The following GRIP1 variants were observed in gnomAD, a reference collection of about 807,000 sequenced individuals.
GRIP1 encodes glutamate receptor-interacting protein 1.
Under a neutral mutation model 129.9 loss-of-function variants are expected in GRIP1, and 45 were observed. The ratio of observed to expected loss-of-function variants is 0.35; its 90% CI spans 0.27 to 0.44. The LOEUF (loss-of-function observed/expected upper bound fraction) is 0.44. GRIP1 is among the 20% of genes least tolerant of loss of function. The pLI is 1.00. For missense variants in GRIP1, 1,196 were observed against 1,396.8 expected (o/e 0.86, Z 2.29); for synonymous variants, 530 against 520.8 (o/e 1.02, Z -0.24).
chr12:66,379,482 A>T, intron 19 of GRIP1, 46 bp from the exon 20 acceptor site: 1 of 1,583,938 alleles, frequency 6.3e-7, no homozygotes, highest in Non-Finnish European at 8.7e-7. Context: ...GGATTACTTA[A>T]TCCATTGAGA....
intron 13 of GRIP1, among the ~76,000 whole-genome samples, chr12:66,443,725 G>A (rs1379795153): frequency 6.6e-5 from 10 of 152,006 alleles, no homozygotes; most frequent in Admixed American, 6.6e-4. Flanking sequence ...CAAAATGCTG[G>A]GATTAAAGGC....
chr12:66,624,983 G>A (rs1439018163), intron 1 of GRIP1, among the ~76,000 whole-genome samples: 1 of 148,814 alleles, frequency 6.7e-6, no homozygotes, highest in Non-Finnish European at 1.5e-5. Context: ...TTTACTTTTA[G>A]ATCATGTATT....
At chr12:66,627,659 G>T (rs900247040) in intron 1 of GRIP1, among the ~76,000 whole-genome samples, 1 of 152,174 alleles carries the variant, frequency 6.6e-6, no homozygotes, top group African/African-American at 2.4e-5. Context: ...TTTCCCTGCA[G>T]ATTTGAAGAA....
chr12:66,933,586 A>C (rs1054134431), intron 1 of GRIP1, among the ~76,000 whole-genome samples: 1 of 152,128 alleles, frequency 6.6e-6, no homozygotes, highest in Non-Finnish European at 1.5e-5. Context: ...TATACCAGGC[A>C]TTTTTCTAGG....
intron 1 of GRIP1, among the ~76,000 whole-genome samples, chr12:66,897,761 T>C (rs2040775273): frequency 6.6e-6 from 1 of 152,258 alleles, no homozygotes; most frequent in Non-Finnish European, 1.5e-5. Context: ...TGAATTCTAA[T>C]ATGTATTTTT....
At chr12:67,039,051 A>T (rs1482222967) in intron 1 of GRIP1, among the ~76,000 whole-genome samples, 4 of 144,368 alleles carry the variant, frequency 2.8e-5, no homozygotes, top group African/African-American at 5.0e-5. Flanking sequence ...ACACACACAC[A>T]CTTAGCATTT....
intron 1 of GRIP1, among the ~76,000 whole-genome samples, chr12:66,800,038 T>C (rs1261233920): frequency 1.3e-5 from 2 of 152,158 alleles, no homozygotes; most frequent in Non-Finnish European, 2.9e-5. Flanking sequence ...ATACAATGCA[T>C]CATAAAATAA....
chr12:66,735,091 A>G lies in GRIP1; in HGVS notation c.-420+68962T>C, dbSNP rs560724752. Among the ~76,000 whole-genome samples, 108 of 152,312 alleles carry G rather than the reference A, an allele frequency of 7.1e-4. 2 individuals are homozygous for G. The South Asian group carries it at 0.012, about 17-fold the overall frequency. Reference sequence around the variant, plus strand: ...AGTTTCTCCAGTAGAAACTGGGACAAAGAAATGCTCAAATGCTTGTCCTCA... The same window carrying G: ...AGTTTCTCCAGTAGAAACTGGGACAGAGAAATGCTCAAATGCTTGTCCTCA... On this transcript the variant is annotated intron_variant, in intron 1 of 4. Transcript: ENST00000538373.
chr12:66,447,007 AT>A (rs532784272), intron 11 of GRIP1, among the ~76,000 whole-genome samples: 3 of 152,082 alleles, frequency 2.0e-5, no homozygotes, highest in Non-Finnish European at 4.4e-5. Context: ...TTAGCAACAG[AT>A]TTTTCCCCCT....
At chr12:66,546,732 T>A (rs1445669570) in intron 2 of GRIP1, among the ~76,000 whole-genome samples, 3 of 152,186 alleles carry the variant, frequency 2.0e-5, no homozygotes, top group African/African-American at 7.2e-5. Flanking sequence ...ACACCTTGTA[T>A]AAAATTTAAC....
At chr12:66,900,713 A>G (rs1407303582) in intron 1 of GRIP1, among the ~76,000 whole-genome samples, 1 of 152,198 alleles carries the variant, frequency 6.6e-6, no homozygotes, top group Non-Finnish European at 1.5e-5. Flanking sequence ...CTCTCAACTG[A>G]GTCAGCCTGC....
intron 1 of GRIP1, among the ~76,000 whole-genome samples, chr12:67,022,200 T>G (rs2042877717): frequency 6.6e-6 from 1 of 152,192 alleles, no homozygotes; most frequent in African/African-American, 2.4e-5. Flanking sequence ...TGGATATATA[T>G]CCAATGGTGG....
chr12:66,537,364 G>C (rs1390191186), intron 4 of GRIP1, among the ~76,000 whole-genome samples: 1 of 152,070 alleles, frequency 6.6e-6, no homozygotes, highest in Middle Eastern at 3.2e-3. Context: ...ACTCCTTGTG[G>C]AAAGGATTAA....
chr12:66,455,666 A>G (rs898471622), intron 10 of GRIP1, 102 bp from the exon 11 acceptor site: 8 of 1,066,104 alleles, frequency 7.5e-6, no homozygotes, highest in Non-Finnish European at 1.0e-5. Flanking sequence ...CATGATGCAT[A>G]GCAATGGCTA....
chr12:67,026,953 C>A (rs1416719139), intron 1 of GRIP1, among the ~76,000 whole-genome samples: 3 of 152,082 alleles, frequency 2.0e-5, no homozygotes, highest in Non-Finnish European at 4.4e-5. Flanking sequence ...AACTGGGTAT[C>A]GCTCTGTCAT....
chr12:66,501,408 T>C (rs61925945), intron 7 of GRIP1, among the ~76,000 whole-genome samples: 14,453 of 152,240 alleles, frequency 0.095, 836 homozygotes, highest in Non-Finnish European at 0.13. Flanking sequence ...TAATGGCTAA[T>C]GGAAGGTAAA....
intron 1 of GRIP1, chr12:66,626,761 G>A (rs955473429): frequency 3.9e-5 from 6 of 152,908 alleles, no homozygotes; most frequent in African/African-American, 9.7e-5. Context: ...TTCTGGACAC[G>A]AGCATAGAAT....
chr12:66,788,177 C>T lies in GRIP1; in HGVS notation c.-420+15876G>A, dbSNP rs554203138. Among the ~76,000 whole-genome samples the T allele has an allele frequency of 2.0e-3, 298 of 151,950 alleles. 11 individuals carry two copies. The South Asian group carries it at 0.06, about 31-fold the overall frequency. ...AGAACAGAACAGAATTCTGCTGCAC[C>T]TACTATCGGGACAACACTGAGACTC... is the stretch of plus-strand genomic sequence containing the variant. On this transcript the variant is annotated intron_variant, in intron 1 of 4. Coordinates refer to the GRIP1 transcript ENST00000538373.
intron 2 of GRIP1, among the ~76,000 whole-genome samples, chr12:66,585,888 G>A (rs2063612687): frequency 6.6e-6 from 1 of 152,032 alleles, no homozygotes; most frequent in Non-Finnish European, 1.5e-5. Context: ...TTTTTTGGCT[G>A]CATAAATGTC....
Sources: gnomAD v4.1 joint callset for allele counts (sites outside exome capture counted in the v4.1 genomes callset) on GRCh38, gnomAD v4.1.1 for gene constraint, MANE v1.5 for transcripts, NCBI Gene and HGNC (gene_info 2026-07-23, HGNC 2026-07-21) for gene names.